NSD2: variants seen among roughly 807,000 people sequenced by gnomAD.
The protein encoded by NSD2 is histone-lysine N-methyltransferase NSD2.
NSD2 carries 12 observed loss-of-function variants against 139.0 expected under a neutral mutation model. The observed-to-expected ratio is 0.09, with a 90% confidence interval of 0.06 to 0.14. The LOEUF (loss-of-function observed/expected upper bound fraction) is 0.14, where lower values mean the gene tolerates loss of function less well. Among genes scored for constraint, NSD2 ranks in the 10% least tolerant of loss-of-function variants. The pLI is 1.00. For missense variants in NSD2, 1,155 were observed against 1,745.0 expected (o/e 0.66, Z 6.02); for synonymous variants, 669 against 648.7 (o/e 1.03, Z -0.48).
chr4:1,980,148 G>A lies in NSD2; in HGVS notation c.*1239G>A, dbSNP rs1727613807. 4.3e-6 allele frequency: 1 copy of A among 233,238 alleles called. No individual in the cohort carries two copies. The highest frequency in any genetic ancestry group is 2.2e-5 in the African/African-American group (1 of 45,354). 14.4% of individuals were successfully genotyped at this position (233,238 alleles called of 1,614,324 possible). ...TGCGTGCCTCGTACGTGTGTTATGG[G>A]CACTGGTCTAGGCCAGGTATGACAC... On this transcript the variant is annotated 3_prime_UTR_variant, in exon 22 of 22. Coordinates refer to ENST00000508803, the MANE Select transcript of NSD2 (RefSeq NM_001042424.3).
chr4:1,899,034 G>GT (rs1234771941), intron 1 of NSD2, among the ~76,000 whole-genome samples: 3 of 152,136 alleles, frequency 2.0e-5, no homozygotes, highest in Non-Finnish European at 4.4e-5. Flanking sequence ...GGGACAGTTG[G>GT]TATGATATGA....
In NSD2 at chr4:1,976,491, C is replaced by T; in HGVS notation, c.3638C>T (p.Ser1213Leu). Residue 1213 changes from serine to leucine, a missense_variant, in exon 21 of 22, where the codon TCA (serine) becomes TTA (leucine). Physicochemically the swap from Ser to Leu is moderately radical, Grantham distance 145. Coordinates refer to ENST00000508803, the MANE Select transcript of NSD2 (RefSeq NM_001042424.3). This position sits in a 1 kb window ranked among gnomAD's most constrained non-coding sequence, Gnocchi z 5.3. ...TGACTCTAGACCTCGACGACCCTTT[C>T]ATCAGAGGAAAAGGGCAAAAAGACC... ...GDRPKTSTTL[S>L]SEEKGKKTKK... The T allele has an allele frequency of 6.2e-7, 1 of 1,613,622 alleles. No individual in the cohort carries two copies. The highest frequency in any genetic ancestry group is 8.5e-7 in the Non-Finnish European group (1 of 1,179,838).
chr4:1,940,193 C>T (rs770405964), intron 9 of NSD2: 1 of 1,085,408 alleles, frequency 9.2e-7, no homozygotes, highest in Middle Eastern at 4.1e-4. Context: ...GACTCACACA[C>T]CACACCTGAT....
intron 20 of NSD2, chr4:1,975,710 C>G (rs1727001386): frequency 1.0e-5 from 3 of 293,358 alleles, no homozygotes. Context: ...CCAGGCCTGT[C>G]TCCCGTTCCT....
intron 3 of NSD2, among the ~76,000 whole-genome samples, chr4:1,913,174 G>A (rs1479086955): frequency 6.6e-6 from 1 of 152,258 alleles, no homozygotes; most frequent in Non-Finnish European, 1.5e-5. Context: ...AGACGAGTGT[G>A]AGCCCTCTGT....
At chr4:1,891,731 C>CCT (rs750651391) in intron 1 of NSD2, among the ~76,000 whole-genome samples, 18 of 152,004 alleles carry the variant, frequency 1.2e-4, no homozygotes, top group Non-Finnish European at 2.5e-4. Flanking sequence ...GTGGTCGGCA[C>CCT]CTGTAGTTCC....
intron 1 of NSD2, among the ~76,000 whole-genome samples, chr4:1,875,673 C>A (rs371576678): frequency 1.3e-5 from 2 of 151,820 alleles, no homozygotes; most frequent in Non-Finnish European, 2.9e-5. Flanking sequence ...GAGGCCGAGG[C>A]GGTTGGATCA....
chr4:1,915,667 G>A (rs531562791), intron 3 of NSD2, among the ~76,000 whole-genome samples: 1 of 152,322 alleles, frequency 6.6e-6, no homozygotes, highest in East Asian at 1.9e-4. Flanking sequence ...CTGCAACCAT[G>A]GGTGGGGAGG....
chr4:1,890,522 C>G (rs1411935867), intron 1 of NSD2, among the ~76,000 whole-genome samples: 1 of 151,858 alleles, frequency 6.6e-6, no homozygotes, highest in Admixed American at 6.6e-5. Flanking sequence ...AGGATGGTCT[C>G]GATCTCCTGA....
intron 9 of NSD2, chr4:1,944,382 A>G (rs1309499662): frequency 5.6e-6 from 6 of 1,065,728 alleles, no homozygotes; most frequent in Admixed American, 5.3e-5. Context: ...TCATTTCATA[A>G]GAACCTCAAA....
rs552319492 is a variant in NSD2 at position 1,955,091 on chromosome 4, A to G, written c.2339-70A>G. On this transcript the variant is annotated intron_variant, in intron 12 of 21. Coordinates refer to ENST00000508803, the MANE Select transcript of NSD2 (RefSeq NM_001042424.3). The surrounding 1 kb of genome is among the most constrained non-coding windows in gnomAD (Gnocchi z 4.7). ...TCAAATTCATGGAGGCTGAGTAATT[A>G]TTAGTTGCTCTTTTCACTATGACTG... 1 of 1,440,550 alleles carries G rather than the reference A, an allele frequency of 6.9e-7. No homozygotes were observed. The highest frequency in any genetic ancestry group is 2.3e-5 in the East Asian group (1 of 43,142). The allele number at this position is 1,440,550 out of a possible 1,614,324, so 89.2% of individuals were successfully genotyped here.
Position 1,958,132 on chromosome 4 carries a change from G to T in NSD2, c.2985+96G>T. On this transcript the variant is annotated intron_variant, in intron 16 of 21. Coordinates refer to ENST00000508803, the MANE Select transcript of NSD2 (RefSeq NM_001042424.3). This position sits in a 1 kb window ranked among gnomAD's most constrained non-coding sequence, Gnocchi z 4.6. ...ACACCCAGGCTATGGCTGGGGAGAG[G>T]ACTGTCACCAGCCAGGATCTGTGGT... The T allele has an allele frequency of 2.4e-6, 3 of 1,242,562 alleles. No homozygotes were observed. Among genetic ancestry groups the T allele is most frequent in the Non-Finnish European group, 2.3e-6 (2 of 872,614 alleles). 77.0% of individuals were successfully genotyped at this position (1,242,562 alleles called of 1,614,324 possible).
chr4:1,939,586 A>G, intron 8 of NSD2, 68 bp from the exon 9 acceptor site: 3 of 1,480,336 alleles, frequency 2.0e-6, no homozygotes, highest in Non-Finnish European at 1.9e-6. Context: ...TTTGAGGGGT[A>G]ATTTTTAAGC....
chr4:1,938,401 C>CTTTTTTTTTCTTTTT (rs1722674160), intron 7 of NSD2, 50 bp from the exon 8 acceptor site: 3 of 878,162 alleles, frequency 3.4e-6, no homozygotes, highest in African/African-American at 5.5e-5. Flanking sequence ...TTTTTCTTTT[C>CTTTTTTTTTCTTTTT]TTTTTTTTTT....
At chr4:1,922,699 G>A (rs1720318544) in intron 5 of NSD2, among the ~76,000 whole-genome samples, 1 of 152,184 alleles carries the variant, frequency 6.6e-6, no homozygotes, top group Admixed American at 6.5e-5. Context: ...GTCAAGGCAG[G>A]CGGATCACCG....
At chr4:1,891,638 G>A (rs1217073076) in intron 1 of NSD2, among the ~76,000 whole-genome samples, 2 of 152,154 alleles carry the variant, frequency 1.3e-5, no homozygotes, top group Admixed American at 1.3e-4. Flanking sequence ...AGTTCACGAG[G>A]TGAGGAGATC....
chr4:1,971,617 C>T (rs1043489972), intron 18 of NSD2, among the ~76,000 whole-genome samples: 2 of 152,136 alleles, frequency 1.3e-5, no homozygotes, highest in Non-Finnish European at 2.9e-5. Flanking sequence ...TGTACTGAGG[C>T]GTGAGGTCCG....
At chr4:1,913,070 ATAT>A (rs1718886622) in intron 3 of NSD2, among the ~76,000 whole-genome samples, 1 of 152,246 alleles carries the variant, frequency 6.6e-6, no homozygotes, top group Non-Finnish European at 1.5e-5. Context: ...CTTTATTCAA[ATAT>A]TATAACAATC....
At chr4:1,884,107 C>T (rs1026918848) in intron 1 of NSD2, among the ~76,000 whole-genome samples, 1 of 151,998 alleles carries the variant, frequency 6.6e-6, no homozygotes, top group East Asian at 1.9e-4. Flanking sequence ...CTTTTTTTGT[C>T]GGGGAGGAGA....
Sources: gnomAD v4.1 joint callset for allele counts (sites outside exome capture counted in the v4.1 genomes callset) on GRCh38, gnomAD v4.1.1 for gene constraint, Gnocchi (gnomAD v3.1) non-coding constraint, MANE v1.5 for transcripts, NCBI Gene and HGNC (gene_info 2026-07-23, HGNC 2026-07-21) for gene names.